Variants in PEAK1 observed in about 807,000 individuals in gnomAD.
The protein encoded by PEAK1 is inactive tyrosine-protein kinase PEAK1.
In PEAK1, 54 loss-of-function variants were observed where a neutral mutation model predicts 124.7. The observed-to-expected ratio is 0.43, with a 90% CI of 0.35 to 0.54. The LOEUF (loss-of-function observed/expected upper bound fraction) is 0.54. PEAK1 is among the 20% of genes least tolerant of loss of function. PEAK1 has a pLI of 0.01. For missense variants in PEAK1, 2,046 were observed against 2,134.5 expected (o/e 0.96, Z 0.82); for synonymous variants, 719 against 760.0 (o/e 0.95, Z 0.89).
At chr15:77,287,294 G>A (rs1038689997) in intron 2 of PEAK1, among the ~76,000 whole-genome samples, 2 of 152,212 alleles carry the variant, frequency 1.3e-5, no homozygotes, top group African/African-American at 4.8e-5. Context: ...CTAGCACATA[G>A]CAGCTCATGA....
chr15:77,147,904 G>T (rs1035931453), intron 8 of PEAK1, among the ~76,000 whole-genome samples: 1 of 152,182 alleles, frequency 6.6e-6, no homozygotes, highest in Non-Finnish European at 1.5e-5. Context: ...ACTGTCTAAT[G>T]CAGTAGCTAC....
rs772351805 is a variant in PEAK1 at position 77,180,368 on chromosome 15, C to G, written c.1559G>C (p.Ser520Thr). The G allele has an allele frequency of 1.2e-6, 2 of 1,613,978 alleles. No individual in the cohort carries two copies. Among genetic ancestry groups the G allele is most frequent in the Non-Finnish European group, 1.7e-6 (2 of 1,180,020 alleles). Reference protein sequence around the residue: ...TSSSLTPGQISAHFQKSSAIR... With the variant: ...TSSSLTPGQITAHFQKSSAIR... ...TGCACTGGATTTTTGGAAATGGGCA[C>G]TTATTTGTCCTGGTGTCAATGAAGA... is the stretch of plus-strand genomic sequence containing the variant. The change falls in exon 7 of 10, where the codon AGT (serine) becomes ACT (threonine). Residue 520 changes from serine (S) to threonine (T), a missense_variant. By Grantham distance (58) the Ser-to-Thr change is moderately conservative. Coordinates refer to ENST00000682557, the MANE Select transcript of PEAK1 (RefSeq NM_001385026.1).
At chr15:77,297,757 CAAAAA>C (rs370114659) in intron 2 of PEAK1, among the ~76,000 whole-genome samples, 1 of 85,400 alleles carries the variant, frequency 1.2e-5, no homozygotes, top group Non-Finnish European at 2.2e-5. Flanking sequence ...GATTTTGCCT[CAAAAA>C]AAAAAAAAAA....
At chr15:77,410,047 T>A (rs1215484723) in intron 1 of PEAK1, among the ~76,000 whole-genome samples, 2 of 151,240 alleles carry the variant, frequency 1.3e-5, no homozygotes, top group Non-Finnish European at 2.9e-5. Context: ...GTTTTTTTGT[T>A]TTGTTTTGTT....
At chr15:77,221,862 T>C (rs78082040) in intron 6 of PEAK1, among the ~76,000 whole-genome samples, 1,854 of 152,182 alleles carry the variant, frequency 0.012, 32 homozygotes, top group African/African-American at 0.041. Flanking sequence ...ACCAAACAAA[T>C]GTTGGCTTGC....
intron 3 of PEAK1, among the ~76,000 whole-genome samples, chr15:77,285,268 T>C (rs2062865779): frequency 6.6e-6 from 1 of 152,202 alleles, no homozygotes; most frequent in African/African-American, 2.4e-5. Context: ...TTAGTTCACG[T>C]TAAGTCCTTA....
intron 1 of PEAK1, chr15:77,419,449 C>A: frequency 1.0e-6 from 1 of 985,402 alleles, no homozygotes; most frequent in Non-Finnish European, 1.2e-6. Flanking sequence ...CGCCAGCCCA[C>A]ACGTTCGCGG....
intron 6 of PEAK1, among the ~76,000 whole-genome samples, chr15:77,223,728 A>C (rs930649349): frequency 6.6e-6 from 1 of 151,986 alleles, no homozygotes; most frequent in Non-Finnish European, 1.5e-5. Context: ...TGATGATACT[A>C]CCACTGTCCT....
rs532739011 is a variant in PEAK1 at position 77,329,708 on chromosome 15, C to T, written c.-603+35455G>A. 6.6e-5 allele frequency among the ~76,000 whole-genome samples: 10 copies of T among 152,222 alleles called. No individual in the cohort carries two copies. In the South Asian group the frequency reaches 1.9e-3, roughly 28 times the overall value. On this transcript the variant is annotated intron_variant, in intron 2 of 9. Coordinates refer to ENST00000682557, the MANE Select transcript of PEAK1 (RefSeq NM_001385026.1). ...GACCATTCTGTTGAACTATATTGCA[C>T]AGTTTTTCATCACTGAGTTATTCTG...
chr15:77,168,234 C>CGT (rs1286301898), intron 7 of PEAK1, among the ~76,000 whole-genome samples: 13 of 99,672 alleles, frequency 1.3e-4, no homozygotes, highest in South Asian at 4.1e-4. Flanking sequence ...TGCATGTGCG[C>CGT]GCGCACACAC....
intron 5 of PEAK1, among the ~76,000 whole-genome samples, chr15:77,274,734 C>T (rs1271926303): frequency 6.6e-6 from 1 of 151,982 alleles, no homozygotes; most frequent in Non-Finnish European, 1.5e-5. Flanking sequence ...AACTAGTACA[C>T]CACTATGGAA....
chr15:77,412,756 G>T (rs533247593), intron 1 of PEAK1, among the ~76,000 whole-genome samples: 1 of 152,036 alleles, frequency 6.6e-6, no homozygotes, highest in African/African-American at 2.4e-5. Flanking sequence ...GTTCCTTAGA[G>T]AAATAATTGA....
intron 1 of PEAK1, among the ~76,000 whole-genome samples, chr15:77,407,924 CAT>C (rs71145823): frequency 9.7e-6 from 1 of 103,336 alleles, no homozygotes; most frequent in African/African-American, 2.8e-5. Flanking sequence ...CACATATATA[CAT>C]ATATACACAC....
intron 1 of PEAK1, among the ~76,000 whole-genome samples, chr15:77,391,365 C>T (rs1597571001): frequency 6.6e-6 from 1 of 150,506 alleles, no homozygotes; most frequent in African/African-American, 2.4e-5. Context: ...TGCTAGAATA[C>T]CTCTGTGAAC....
intron 2 of PEAK1, among the ~76,000 whole-genome samples, chr15:77,309,289 T>C (rs1247353658): frequency 4.6e-5 from 7 of 152,084 alleles, no homozygotes; most frequent in African/African-American, 1.7e-4. Flanking sequence ...TTGAAGTTCA[T>C]AGAAAGTTCA....
chr15:77,344,002 G>A (rs538474931), intron 2 of PEAK1, among the ~76,000 whole-genome samples: 211 of 152,268 alleles, frequency 1.4e-3, no homozygotes, highest in Middle Eastern at 3.4e-3. Flanking sequence ...AGCACGATTC[G>A]TTGAAAAGAC....
At position 77,178,786 on chromosome 15, in the gene PEAK1, A is replaced by C. The variant is rs1307594753; in HGVS notation, c.3137+4T>G. The C allele has an allele frequency of 6.2e-7, 1 of 1,610,096 alleles. No individual in the cohort carries two copies. Among genetic ancestry groups the C allele is most frequent in the Admixed American group, 1.7e-5 (1 of 59,618 alleles). On this transcript the variant is annotated splice_donor_region_variant and intron_variant, in intron 7 of 9. Coordinates refer to ENST00000682557, the MANE Select transcript of PEAK1 (RefSeq NM_001385026.1). ...CCCATATTCTTCCAGTCTATTTTAC[A>C]TACCTGAGAATCTTTTTAGGAATCT...
chr15:77,325,292 C>A (rs1471686953), intron 2 of PEAK1, among the ~76,000 whole-genome samples: 3 of 152,012 alleles, frequency 2.0e-5, no homozygotes, highest in South Asian at 2.1e-4. Flanking sequence ...CACCTGTATT[C>A]CCAGCTATTC....
intron 5 of PEAK1, among the ~76,000 whole-genome samples, chr15:77,260,629 A>T (rs910562339): frequency 2.0e-5 from 3 of 152,244 alleles, no homozygotes; most frequent in African/African-American, 7.2e-5. Context: ...ATTTCACTAG[A>T]CAGATAAGCA....
Sources: gnomAD v4.1 joint callset for allele counts (sites outside exome capture counted in the v4.1 genomes callset) on GRCh38, gnomAD v4.1.1 for gene constraint, MANE v1.5 for transcripts, NCBI Gene and HGNC (gene_info 2026-07-23, HGNC 2026-07-21) for gene names.